Variants in SCAI observed in about 807,000 individuals in gnomAD.
SCAI encodes the protein protein SCAI.
A neutral mutation model predicts 92.2 loss-of-function variants in SCAI; 24 were observed. That is an observed-to-expected ratio of 0.26 (90% CI 0.19 to 0.37). SCAI has a LOEUF of 0.37. Among genes scored for constraint, SCAI ranks in the 10% least tolerant of loss-of-function variants. The pLI, the probability that SCAI is intolerant of heterozygous loss-of-function variation, is 1.00. For synonymous variants in SCAI, 261 were observed against 258.6 expected, an observed-to-expected ratio of 1.01 and a Z score of -0.09; for missense variants, 450 against 736.2, an observed-to-expected ratio of 0.61 and a Z score of 4.50.
At chr9:125,021,402 G>A (rs2131074938) in intron 6 of SCAI, among the ~76,000 whole-genome samples, 1 of 152,208 alleles carries the variant, frequency 6.6e-6, no homozygotes, top group South Asian at 2.1e-4. Flanking sequence ...TGTTGTTCCT[G>A]TTGTGCTTTC....
intron 2 of SCAI, chr9:125,142,136 A>C (rs1307379317): frequency 6.5e-6 from 1 of 152,736 alleles, no homozygotes; most frequent in African/African-American, 2.4e-5. Context: ...TTGTGGGTAC[A>C]TAGTAGGTGT....
chr9:125,009,461 G>A (rs1042376138), intron 9 of SCAI, among the ~76,000 whole-genome samples: 7 of 152,002 alleles, frequency 4.6e-5, no homozygotes, highest in African/African-American at 1.7e-4. Context: ...GTAGAGATCA[G>A]ATTTTGCCAT....
intron 13 of SCAI, among the ~76,000 whole-genome samples, chr9:124,996,224 G>T: frequency 6.7e-6 from 1 of 149,712 alleles, no homozygotes; most frequent in Non-Finnish European, 1.5e-5. Context: ...CGGGGGTGGG[G>T]GGGTGGTGCT....
At chr9:125,115,094 C>T (rs555869655) in intron 2 of SCAI, among the ~76,000 whole-genome samples, 5 of 151,936 alleles carry the variant, frequency 3.3e-5, no homozygotes, top group East Asian at 2.0e-4. Context: ...TTGAAGCAGC[C>T]GGGCGCGGTG....
intron 9 of SCAI, among the ~76,000 whole-genome samples, chr9:125,009,391 T>G (rs1832583797): frequency 6.6e-6 from 1 of 152,122 alleles, no homozygotes; most frequent in Admixed American, 6.5e-5. Flanking sequence ...TGCCTCAGCC[T>G]CCCAAGTAGC....
At chr9:125,134,684 G>T (rs1053683420) in intron 2 of SCAI, among the ~76,000 whole-genome samples, 3 of 151,992 alleles carry the variant, frequency 2.0e-5, no homozygotes, top group Admixed American at 6.6e-5. Context: ...AATCTTTTTT[G>T]TGTGTGTGTG....
chr9:124,967,960 A>G (rs1383153781), intron 17 of SCAI, among the ~76,000 whole-genome samples: 1 of 152,220 alleles, frequency 6.6e-6, no homozygotes, highest in East Asian at 1.9e-4. Flanking sequence ...TGAAGAGTGA[A>G]GACAATTCAT....
chr9:125,046,194 G>GCGATAT (rs1554784564), intron 3 of SCAI, among the ~76,000 whole-genome samples: 1 of 15,526 alleles, frequency 6.4e-5, no homozygotes, highest in Non-Finnish European at 1.4e-4. Flanking sequence ...AAGAAATTGT[G>GCGATAT]AGATATATAT....
intron 2 of SCAI, among the ~76,000 whole-genome samples, chr9:125,072,092 C>G (rs1252761393): frequency 6.6e-6 from 1 of 151,006 alleles, no homozygotes; most frequent in Admixed American, 6.6e-5. Flanking sequence ...GGTGCAATCT[C>G]GGCTCACTGC....
At chr9:125,006,768 G>T (rs1832519024) in intron 9 of SCAI, among the ~76,000 whole-genome samples, 1 of 152,110 alleles carries the variant, frequency 6.6e-6, no homozygotes, top group African/African-American at 2.4e-5. Context: ...GGGATTACAG[G>T]TGTGAGCCAC....
intron 3 of SCAI, among the ~76,000 whole-genome samples, chr9:125,031,675 G>A (rs1000474519): frequency 1.3e-5 from 2 of 152,014 alleles, no homozygotes; most frequent in African/African-American, 4.8e-5. Context: ...TCCATTTATG[G>A]TACAAACATT....
intron 17 of SCAI, among the ~76,000 whole-genome samples, chr9:124,961,083 C>A (rs1485456009): frequency 6.6e-6 from 1 of 151,236 alleles, no homozygotes; most frequent in Non-Finnish European, 1.5e-5. Context: ...ACAATTGCAT[C>A]CCTGTACTCC....
intron 14 of SCAI, among the ~76,000 whole-genome samples, chr9:124,987,652 T>C (rs1003296892): frequency 6.6e-6 from 1 of 152,098 alleles, no homozygotes; most frequent in African/African-American, 2.4e-5. Flanking sequence ...CATTTCATCA[T>C]TCAACATGCA....
In SCAI at chr9:125,104,767, C is replaced by T. The variant is rs1056288306; in HGVS notation, c.98+37866G>A. Among the ~76,000 whole-genome samples the T allele has an allele frequency of 2.3e-4, 35 of 151,660 alleles. 1 individual carries two copies. Among genetic ancestry groups the T allele is most frequent in the Non-Finnish European group, 2.9e-5 (2 of 67,918 alleles). On this transcript the variant is annotated intron_variant, in intron 2 of 17. Coordinates refer to ENST00000336505, the MANE Select transcript of SCAI (RefSeq NM_001144877.3). Reference sequence around the variant, plus strand: ...AACCCTTTGTTTGTCAAAAAACAAACAAACAAACTACACTGGTAATGTACT... The same window carrying T: ...AACCCTTTGTTTGTCAAAAAACAAATAAACAAACTACACTGGTAATGTACT...
At chr9:125,082,679 G>A (rs1210448576) in intron 2 of SCAI, among the ~76,000 whole-genome samples, 1 of 152,250 alleles carries the variant, frequency 6.6e-6, no homozygotes, top group African/African-American at 2.4e-5. Context: ...CATGACCTGG[G>A]TGTGAGACAT....
intron 2 of SCAI, among the ~76,000 whole-genome samples, chr9:125,077,600 C>T (rs1834117328): frequency 6.6e-6 from 1 of 152,224 alleles, no homozygotes; most frequent in Non-Finnish European, 1.5e-5. Flanking sequence ...ACATCCTCAA[C>T]AACACTTGTT....
rs10760391 is a variant in SCAI at position 125,096,897 on chromosome 9, C to G, written c.99-40890G>C. Reference sequence around the variant, plus strand: ...ACTTAAAGTATTGCATGGACCACATCCTATGACAGTAAAATATATATACTC... The same window carrying G: ...ACTTAAAGTATTGCATGGACCACATGCTATGACAGTAAAATATATATACTC... On this transcript the variant is annotated intron_variant, in intron 2 of 17. Coordinates refer to ENST00000336505, the MANE Select transcript of SCAI (RefSeq NM_001144877.3). 2.2e-3 allele frequency among the ~76,000 whole-genome samples: 337 copies of G among 152,124 alleles called. 3 individuals carry two copies. The highest frequency in any genetic ancestry group is 7.8e-3 in the African/African-American group (322 of 41,494).
Position 125,092,131 on chromosome 9 carries a change from TAAAAAA to T in SCAI, c.99-36130_99-36125del, listed in dbSNP as rs71374225. 6.7e-3 allele frequency among the ~76,000 whole-genome samples: 409 copies of T among 60,988 alleles called. 11 individuals are homozygous for T. The highest frequency in any genetic ancestry group is 0.024 in the African/African-American group (386 of 16,302). 40.0% of individuals were successfully genotyped at this position (60,988 alleles called of 152,430 possible). On this transcript the variant is annotated intron_variant, in intron 2 of 17. Coordinates refer to ENST00000336505, the MANE Select transcript of SCAI (RefSeq NM_001144877.3). ...GGCGACAGAGCAAGACTCCGTCTCTTAAAAAAAAAAAAAAAAAAAAAAAAAAAAAAA... is the reference window on the plus strand; with the variant it reads ...GGCGACAGAGCAAGACTCCGTCTCTTAAAAAAAAAAAAAAAAAAAAAAAAA...
chr9:125,012,508 A>G (rs1282070235), intron 9 of SCAI, among the ~76,000 whole-genome samples: 4 of 152,304 alleles, frequency 2.6e-5, no homozygotes, highest in African/African-American at 9.6e-5. Flanking sequence ...ACCCAATACA[A>G]GAGCACCCAG....
Sources: gnomAD v4.1 joint callset for allele counts (sites outside exome capture counted in the v4.1 genomes callset) on GRCh38, gnomAD v4.1.1 for gene constraint, MANE v1.5 for transcripts, NCBI Gene and HGNC (gene_info 2026-07-23, HGNC 2026-07-21) for gene names.